The following RAET1L variants were observed in gnomAD, a reference collection of about 807,000 sequenced individuals.
RAET1L encodes the protein retinoic acid early transcript 1L.
Under a neutral mutation model 23.9 loss-of-function variants are expected in RAET1L, and 16 were observed. The observed-to-expected ratio is 0.67, with a 90% CI of 0.45 to 1.02. RAET1L has a LOEUF of 1.02. RAET1L is among the 50% of genes least tolerant of loss of function. The pLI is 0.00. For missense variants in RAET1L, 233 were observed against 304.0 expected (o/e 0.77, Z 1.74); for synonymous variants, 70 against 111.2 (o/e 0.63, Z 2.33).
At chr6:150,025,336 A>T (rs144066641) in intron 1 of RAET1L, 51 bp downstream of exon 1, 2 of 1,499,472 alleles carry the variant, frequency 1.3e-6, no homozygotes, top group Non-Finnish European at 1.9e-6. Flanking sequence ...TGCAGTCCAC[A>T]GTCCCTCAGG....
At chr6:150,023,705 A>G (rs554822125) in intron 1 of RAET1L, among the ~76,000 whole-genome samples, 1 of 152,288 alleles carries the variant, frequency 6.6e-6, no homozygotes, top group Non-Finnish European at 1.5e-5. Flanking sequence ...TGTGGTCACA[A>G]TGTCTAATTG....
At chr6:150,025,362 G>A (rs760003326) in intron 1 of RAET1L, 25 bp downstream of exon 1, 12 of 1,605,488 alleles carry the variant, frequency 7.5e-6, no homozygotes, top group Admixed American at 6.7e-5. Flanking sequence ...CCCCCGCCCC[G>A]CTTAGGCTCC....
chr6:150,022,219 ATG>A lies in RAET1L; in HGVS notation c.108_109del (p.Ile37HisfsTer5), dbSNP rs1186379215. On this transcript the variant is annotated frameshift_variant, in exon 2 of 5. Transcript: ENST00000367341. LOFTEE classifies it high-confidence loss of function. ...AGGTCTGAACTTAGGGATGACGGTGATGTCATAGCAAAGAGAGTGAGGGTCTG... is the reference window on the plus strand; with the variant it reads ...AGGTCTGAACTTAGGGATGACGGTGATCATAGCAAAGAGAGTGAGGGTCTG... 2.0e-5 allele frequency: 32 copies of A among 1,569,098 alleles called. No homozygotes were observed. Among genetic ancestry groups the A allele is most frequent in the Non-Finnish European group, 2.8e-5 (32 of 1,155,656 alleles).
At chr6:150,025,366 A>C (rs773795038) in intron 1 of RAET1L, 21 bp downstream of exon 1, 1 of 1,608,270 alleles carries the variant, frequency 6.2e-7, no homozygotes, top group East Asian at 2.2e-5. Flanking sequence ...CGCCCCGCTT[A>C]GGCTCCATCC....
chr6:150,020,540 G>C (rs149773829), intron 3 of RAET1L, among the ~76,000 whole-genome samples: 1 of 152,286 alleles, frequency 6.6e-6, no homozygotes, highest in Non-Finnish European at 1.5e-5. Context: ...GGCTGGTGTT[G>C]GAAGTGGTTT....
Position 150,025,510 on chromosome 6 carries a change from G to C in RAET1L, c.-39C>G, listed in dbSNP as rs763048468. Reference sequence around the variant, plus strand: ...GGCTGGGGACAAGAGATTTAATCAAGGTGGATCCTGGAAGATGAAATCACC... The same window carrying C: ...GGCTGGGGACAAGAGATTTAATCAACGTGGATCCTGGAAGATGAAATCACC... On this transcript the variant is annotated 5_prime_UTR_variant, in exon 1 of 5. Transcript: ENST00000367341. 21 of 1,524,218 alleles carry C rather than the reference G, an allele frequency of 1.4e-5. No individual in the cohort carries two copies. The highest frequency in any genetic ancestry group is 4.5e-6 in the Non-Finnish European group (5 of 1,100,450). 94.4% of individuals were successfully genotyped at this position (1,524,218 alleles called of 1,614,324 possible).
intron 4 of RAET1L, among the ~76,000 whole-genome samples, chr6:150,019,259 C>T (rs928970520): frequency 6.6e-6 from 1 of 152,200 alleles, no homozygotes; most frequent in Admixed American, 6.5e-5. Context: ...CCTTCTTTCC[C>T]CTTCTTCTTG....
In RAET1L at chr6:150,025,393, G is replaced by A. The variant is rs117766916; in HGVS notation, c.79C>T (p.Arg27Ter). The A allele has an allele frequency of 2.0e-5, 32 of 1,613,042 alleles. No homozygotes were observed. The highest frequency in any genetic ancestry group is 6.7e-5 in the Admixed American group (4 of 59,974). ...FLLFGWSRAR[R>*]DDPHSLCYDI... ...GCTCCATCCACCAGCTCACCGTCTC[G>A]CCTAGCCCGGGACCAGCCGAACAGC... The change falls in exon 1 of 5, where the codon CGA (arginine) becomes TGA (stop). Residue 27 changes from arginine to a stop codon, truncating the protein, a stop_gained. Transcript: ENST00000367341. LOFTEE classifies it high-confidence loss of function.
At chr6:150,024,850 C>A (rs1029337076) in intron 1 of RAET1L, among the ~76,000 whole-genome samples, 2 of 151,742 alleles carry the variant, frequency 1.3e-5, no homozygotes, top group African/African-American at 4.8e-5. Context: ...GGAGGGGTGG[C>A]GGGTATCTGC....
intron 1 of RAET1L, among the ~76,000 whole-genome samples, chr6:150,024,527 C>T (rs532652185): frequency 3.0e-4 from 45 of 151,256 alleles, no homozygotes; most frequent in Non-Finnish European, 5.3e-4. Context: ...AGTGACTATT[C>T]TCTATGACGC....
chr6:150,024,952 G>T (rs564064107), intron 1 of RAET1L, among the ~76,000 whole-genome samples: 3 of 152,252 alleles, frequency 2.0e-5, no homozygotes, highest in East Asian at 3.9e-4. Flanking sequence ...TTGTGTGGTA[G>T]AGAGCAGGTG....
chr6:150,025,067 G>T (rs1222234494), intron 1 of RAET1L, among the ~76,000 whole-genome samples: 1 of 152,096 alleles, frequency 6.6e-6, no homozygotes, highest in Non-Finnish European at 1.5e-5. Flanking sequence ...GGGGGCTCTG[G>T]TTTCTCCTTC....
chr6:150,023,551 T>G (rs34349739), intron 1 of RAET1L, among the ~76,000 whole-genome samples: 15,058 of 152,092 alleles, frequency 0.099, 1,075 homozygotes, highest in African/African-American at 0.19. Context: ...GTAAAGGTGT[T>G]CAGGGAATAT....
At chr6:150,019,023 C>G (rs989518874) in intron 4 of RAET1L, among the ~76,000 whole-genome samples, 168 bp from the exon 5 acceptor site, 1 of 152,188 alleles carries the variant, frequency 6.6e-6, no homozygotes, top group African/African-American at 2.4e-5. Flanking sequence ...CCTCTTTCCT[C>G]CTTTGTCACA....
At chr6:150,024,328 C>G (rs567922716) in intron 1 of RAET1L, among the ~76,000 whole-genome samples, 1 of 152,086 alleles carries the variant, frequency 6.6e-6, no homozygotes, top group African/African-American at 2.4e-5. Context: ...CACTGTAATC[C>G]CCTGATCTGG....
In RAET1L at chr6:150,024,433, A is replaced by T. The variant is rs373653378; in HGVS notation, c.85+954T>A. Among the ~76,000 whole-genome samples the T allele has an allele frequency of 8.9e-3, 1,354 of 152,170 alleles. 16 individuals are homozygous for T. Among genetic ancestry groups the T allele is most frequent in the African/African-American group, 0.03 (1,246 of 41,450 alleles). On this transcript the variant is annotated intron_variant, in intron 1 of 4. Coordinates refer to ENST00000367341, the MANE Select transcript of RAET1L (RefSeq NM_130900.3). ...TCTACAAAGGGACAGGACTGGACAC[A>T]GAGACGGAGAACCCATGGCCTGCAA... is the stretch of plus-strand genomic sequence containing the variant.
chr6:150,025,362 G>T, intron 1 of RAET1L, 25 bp downstream of exon 1: 3 of 1,605,490 alleles, frequency 1.9e-6, no homozygotes, highest in Non-Finnish European at 2.6e-6. Context: ...CCCCCGCCCC[G>T]CTTAGGCTCC....
chr6:150,024,586 T>G (rs1000955922), intron 1 of RAET1L, among the ~76,000 whole-genome samples: 47 of 151,302 alleles, frequency 3.1e-4, no homozygotes, highest in Non-Finnish European at 6.6e-4. Flanking sequence ...AGGGCAGAAG[T>G]GGGTGCCTCT....
At chr6:150,024,741 G>A (rs1417734766) in intron 1 of RAET1L, among the ~76,000 whole-genome samples, 8 of 152,142 alleles carry the variant, frequency 5.3e-5, no homozygotes, top group Non-Finnish European at 7.4e-5. Context: ...AGGAGGTGGT[G>A]AGGTACCCTT....
Sources: gnomAD v4.1 joint callset for allele counts (sites outside exome capture counted in the v4.1 genomes callset) on GRCh38, gnomAD v4.1.1 for gene constraint, MANE v1.5 for transcripts, NCBI Gene and HGNC (gene_info 2026-07-23, HGNC 2026-07-21) for gene names.